RAD50: variants seen among roughly 807,000 people sequenced by gnomAD.
RAD50 encodes RAD50 double strand break repair protein, also known as DNA repair protein RAD50.
Under a neutral mutation model 168.8 loss-of-function variants are expected in RAD50, and 132 were observed. The observed-to-expected ratio is 0.78, with a 90% CI of 0.68 to 0.90. The LOEUF is 0.90. Ranked by LOEUF, RAD50 falls within the 40% of genes least tolerant of loss-of-function variation. The pLI, the probability that RAD50 is intolerant of heterozygous loss-of-function variation, is 0.00. For missense variants in RAD50, 1,347 were observed against 1,534.4 expected (o/e 0.88, Z 2.04); for synonymous variants, 525 against 497.4 (o/e 1.06, Z -0.74).
At chr5:132,559,104 A>G (rs1356903601) in intron 1 of RAD50, among the ~76,000 whole-genome samples, 180 bp from the exon 2 acceptor site, 1 of 152,246 alleles carries the variant, frequency 6.6e-6, no homozygotes, top group Non-Finnish European at 1.5e-5. Context: ...TTAGTTATAT[A>G]GCATTTCTGT....
chr5:132,630,432 C>T (rs984862226), intron 21 of RAD50, among the ~76,000 whole-genome samples: 2 of 152,192 alleles, frequency 1.3e-5, no homozygotes, highest in Non-Finnish European at 2.9e-5. Context: ...TCTTCAGAGC[C>T]TGGGTCCCTG....
rs144189324 is a variant in RAD50, at chr5:132,608,873, T to C, written c.2829+148T>C. 989 of 1,369,132 alleles carry C rather than the reference T, an allele frequency of 7.2e-4. 6 individuals carry two copies. In the African/African-American group the frequency reaches 0.011, roughly 15 times the overall value. The allele number at this position is 1,369,132 out of a possible 1,614,324, so 84.8% of individuals were successfully genotyped here. A position where few individuals can be genotyped will look rare whatever the true frequency, so the allele number is the denominator to read the frequency against. ...CATGGTATAATTTTGACATTAGAAATTCTTGTTAGAACAAGGATTTGATGT... is the reference window on the plus strand; with the variant it reads ...CATGGTATAATTTTGACATTAGAAACTCTTGTTAGAACAAGGATTTGATGT... On this transcript the variant is annotated intron_variant, in intron 17 of 24. Transcript: ENST00000378823.
At chr5:132,609,872 G>A (rs1053660382) in intron 19 of RAD50, among the ~76,000 whole-genome samples, 3 of 151,946 alleles carry the variant, frequency 2.0e-5, no homozygotes, top group Non-Finnish European at 4.4e-5. Context: ...AAAGACTCAT[G>A]GTAAAAGTTC....
Position 132,642,675 on chromosome 5 carries a change from T to TCAAAG in RAD50, c.*314_*318dup. On this transcript the variant is annotated 3_prime_UTR_variant, in exon 25 of 25. Transcript: ENST00000378823. ...CCCCAGTGCAAATGCATGCTTCTTC[T>TCAAAG]CAAAGCACTGTTGAGAAGGAGATAA... 2.2e-6 allele frequency: 1 copy of TCAAAG among 455,836 alleles called. No individual in the cohort carries two copies. Among genetic ancestry groups the TCAAAG allele is most frequent in the Non-Finnish European group, 4.0e-6 (1 of 249,468 alleles). The allele number at this position is 455,836 out of a possible 1,614,324, so 28.2% of individuals were successfully genotyped here.
chr5:132,560,655 C>G (rs1237315438), intron 2 of RAD50, among the ~76,000 whole-genome samples: 1 of 152,168 alleles, frequency 6.6e-6, no homozygotes, highest in Non-Finnish European at 1.5e-5. Context: ...GTTGTTTTAT[C>G]TAAACATGAA....
chr5:132,628,006 C>T (rs920381626), intron 21 of RAD50, among the ~76,000 whole-genome samples: 1 of 152,152 alleles, frequency 6.6e-6, no homozygotes, highest in South Asian at 2.1e-4. Flanking sequence ...AAAGGTTGCT[C>T]CTACATATTT....
rs786202509 is a variant in RAD50 at position 132,588,767 on chromosome 5, C to G, written c.1132C>G (p.Leu378Val). The G allele has an allele frequency of 6.2e-7, 1 of 1,613,764 alleles. No individual in the cohort carries two copies. The highest frequency in any genetic ancestry group is 8.5e-7 in the Non-Finnish European group (1 of 1,179,802). The change falls in exon 8 of 25, where the codon CTA becomes GTA. Residue 378 changes from leucine to valine, a missense_variant. This residue lies in a region of RAD50 where 703 missense variants were observed against 767.7 expected (regional missense o/e 0.92). Coordinates refer to ENST00000378823, the MANE Select transcript of RAD50 (RefSeq NM_005732.4). ...ATTAATTCAGTCTTTGGCAACACAG[C>G]TAGAATTGGATGGCTTTGAGCGTGG... ...DSLIQSLATQ[L>V]ELDGFERGPF...
intron 20 of RAD50, 120 bp downstream of exon 20, chr5:132,616,250 A>G (rs987028016): frequency 2.6e-5 from 25 of 965,068 alleles, no homozygotes; most frequent in Non-Finnish European, 3.8e-5. Flanking sequence ...GAGAGTTACT[A>G]GAAGGTGAAC....
intron 16 of RAD50, among the ~76,000 whole-genome samples, chr5:132,608,048 T>C (rs1219518736): frequency 6.6e-6 from 1 of 152,252 alleles, no homozygotes; most frequent in African/African-American, 2.4e-5. Context: ...AAAATAGTTG[T>C]GGAGACACCA....
chr5:132,609,460 C>T, intron 19 of RAD50, 64 bp downstream of exon 19: 1 of 1,586,228 alleles, frequency 6.3e-7, no homozygotes, highest in Non-Finnish European at 8.6e-7. Flanking sequence ...GTTTTATTTT[C>T]AATAGAAGAT....
Position 132,608,635 on chromosome 5 carries a change from C to T in RAD50, c.2739C>T (p.Ser913=), listed in dbSNP as rs540620886. ...TTTAGGATGCTAAAGAGCAGGTAAG[C>T]CCTTTGGAAACAACATTGGAAAAGT... is the stretch of plus-strand genomic sequence containing the variant. ...REIKDAKEQV[S]PLETTLEKFQ... The change falls in exon 17 of 25, where the codon AGC becomes AGT. Residue 913 remains serine, a synonymous_variant. Coordinates refer to ENST00000378823, the MANE Select transcript of RAD50 (RefSeq NM_005732.4). The T allele has an allele frequency of 6.9e-6, 11 of 1,593,778 alleles. No individual in the cohort carries two copies. The East Asian group carries it at 6.9e-5, about 10-fold the overall frequency.
At chr5:132,639,159 C>G (rs1400185379) in intron 23 of RAD50, among the ~76,000 whole-genome samples, 2 of 151,838 alleles carry the variant, frequency 1.3e-5, no homozygotes, top group African/African-American at 4.8e-5. Context: ...GAGTTCGAGA[C>G]CAGCCTAACA....
At chr5:132,559,789 A>G (rs1393802823) in intron 2 of RAD50, among the ~76,000 whole-genome samples, 2 of 152,130 alleles carry the variant, frequency 1.3e-5, no homozygotes, top group Non-Finnish European at 2.9e-5. Flanking sequence ...AAAATGTACC[A>G]TGATAAGCCA....
At chr5:132,597,022 G>T (rs954482075) in intron 13 of RAD50, among the ~76,000 whole-genome samples, 2 of 152,200 alleles carry the variant, frequency 1.3e-5, no homozygotes, top group African/African-American at 4.8e-5. Flanking sequence ...GGGAGATAGG[G>T]CTACATTATA....
chr5:132,591,130 C>T, intron 9 of RAD50, 94 bp from the exon 10 acceptor site: 3 of 1,264,354 alleles, frequency 2.4e-6, no homozygotes, highest in Non-Finnish European at 3.5e-6. Context: ...TTGGAACATT[C>T]TGAGGAGTAG....
rs746841895 is a variant in RAD50 at position 132,637,167 on chromosome 5, C to T, written c.3442C>T (p.Arg1148Cys). 7 of 1,611,576 alleles carry T rather than the reference C, an allele frequency of 4.3e-6. No individual in the cohort carries two copies. The highest frequency in any genetic ancestry group is 1.1e-5 in the South Asian group (1 of 91,006). Reference sequence around the variant, plus strand: ...AATGGAAGAAATCAATAAAATTATACGTGACCTGTGGCGAAGTACCTATCG... The same window carrying T: ...AATGGAAGAAATCAATAAAATTATATGTGACCTGTGGCGAAGTACCTATCG... Reference protein sequence around the residue: ...MKMEEINKIIRDLWRSTYRGQ... With the variant: ...MKMEEINKIICDLWRSTYRGQ... Residue 1148 changes from arginine (R) to cysteine (C), a missense_variant, in exon 22 of 25, where the codon CGT becomes TGT. This residue lies in a region of RAD50 where 635 missense variants were observed against 739.2 expected (regional missense o/e 0.86). Transcript: ENST00000378823.
intron 13 of RAD50, among the ~76,000 whole-genome samples, chr5:132,599,382 TG>T (rs1213491756): frequency 2.0e-5 from 3 of 152,228 alleles, no homozygotes; most frequent in Non-Finnish European, 2.9e-5. Flanking sequence ...AACCCCTGTT[TG>T]TTTAGCAAGC....
In RAD50 at chr5:132,594,676, A is replaced by C. The variant is rs73259670; in HGVS notation, c.1794-193A>C. Among the ~76,000 whole-genome samples the C allele has an allele frequency of 4.1e-3, 624 of 152,338 alleles. 9 individuals are homozygous for C. The highest frequency in any genetic ancestry group is 0.015 in the African/African-American group (607 of 41,574). ...GAGCAGGCCCATGAGTAGGACTGGC[A>C]GGTGAGTCAGTGTCCTAGGGGGAGA... On this transcript the variant is annotated intron_variant, in intron 11 of 24. Coordinates refer to ENST00000378823, the MANE Select transcript of RAD50 (RefSeq NM_005732.4).
chr5:132,589,321 A>C lies in RAD50; in HGVS notation c.1246-310A>C, dbSNP rs1241941599. Reference sequence around the variant, plus strand: ...ATGTTTAGATACATAAATACTTATCATCATGTTACAGTTGCCAAAGTATTC... The same window carrying C: ...ATGTTTAGATACATAAATACTTATCCTCATGTTACAGTTGCCAAAGTATTC... On this transcript the variant is annotated intron_variant, in intron 8 of 24. Coordinates refer to ENST00000378823, the MANE Select transcript of RAD50 (RefSeq NM_005732.4). 2.0e-5 allele frequency among the ~76,000 whole-genome samples: 3 copies of C among 152,316 alleles called. No homozygotes were observed. In the East Asian group the frequency reaches 5.8e-4, roughly 29 times the overall value.
Sources: gnomAD v4.1 joint callset for allele counts (sites outside exome capture counted in the v4.1 genomes callset) on GRCh38, gnomAD v4.1.1 for gene constraint, gnomAD v4.1.1 regional missense constraint, MANE v1.5 for transcripts, NCBI Gene and HGNC (gene_info 2026-07-23, HGNC 2026-07-21) for gene names.